Variants in LRRC26 observed in about 807,000 individuals in gnomAD.
LRRC26 encodes leucine-rich repeat-containing protein 26.
In LRRC26, 17 loss-of-function variants were observed where a neutral mutation model predicts 15.3. The observed-to-expected ratio is 1.11, with a 90% CI of 0.76 to 1.66. The LOEUF (loss-of-function observed/expected upper bound fraction) is 1.66. LRRC26 is among the 40% of genes most tolerant of loss of function. The pLI, the probability that LRRC26 is intolerant of heterozygous loss-of-function variation, is 0.00. For missense variants in LRRC26, 573 were observed against 501.0 expected, an observed-to-expected ratio of 1.14 and a Z score of -1.37; for synonymous variants, 301 against 272.1, an observed-to-expected ratio of 1.11 and a Z score of -1.05.
rs1216185243 is a variant in LRRC26 at position 137,168,968 on chromosome 9, G to C, written c.891C>G (p.Leu297=). The change falls in exon 2 of 2, where the codon CTC becomes CTG. Residue 297 remains leucine, a synonymous_variant. Coordinates refer to ENST00000371542, the MANE Select transcript of LRRC26 (RefSeq NM_001013653.3). ...LTACRARRRR[L]RTAALRPPRP... is the part of the protein sequence containing the mutation. ...TCGGCGGGCGGAGGGCGGCGGTGCG[G>C]AGGCGGCGGCGGCGCGCACGGCAGG... The C allele has an allele frequency of 7.0e-7, 1 of 1,424,196 alleles. No individual in the cohort carries two copies. Among genetic ancestry groups the C allele is most frequent in the Non-Finnish European group, 9.1e-7 (1 of 1,095,234 alleles). 88.2% of individuals were successfully genotyped at this position (1,424,196 alleles called of 1,614,324 possible).
In LRRC26 at chr9:137,168,978, C is replaced by T. The variant is rs1402572327; in HGVS notation, c.881G>A (p.Arg294His). Residue 294 changes from arginine (R) to histidine (H), a missense_variant, in exon 2 of 2, where the codon CGC becomes CAC. Coordinates refer to ENST00000371542, the MANE Select transcript of LRRC26 (RefSeq NM_001013653.3). ...GAGGGCGGCGGTGCGGAGGCGGCGGCGGCGCGCACGGCAGGCGGTGAGCCC... is the reference window on the plus strand; with the variant it reads ...GAGGGCGGCGGTGCGGAGGCGGCGGTGGCGCGCACGGCAGGCGGTGAGCCC... ...GSGLTACRAR[R>H]RRLRTAALRP... The T allele has an allele frequency of 7.0e-6, 10 of 1,434,176 alleles. No homozygotes were observed. Among genetic ancestry groups the T allele is most frequent in the South Asian group, 1.4e-5 (1 of 70,666 alleles). The allele number at this position is 1,434,176 out of a possible 1,614,324, so 88.8% of individuals were successfully genotyped here. A position where few individuals can be genotyped will look rare whatever the true frequency, so the allele number is the denominator to read the frequency against.
Position 137,169,799 on chromosome 9 carries a change from A to G in LRRC26, c.145T>C (p.Cys49Arg). The G allele has an allele frequency of 2.8e-6, 4 of 1,405,238 alleles. No individual in the cohort carries two copies. Among genetic ancestry groups the G allele is most frequent in the Non-Finnish European group, 2.7e-6 (3 of 1,092,438 alleles). 87.0% of individuals were successfully genotyped at this position (1,405,238 alleles called of 1,614,324 possible). A position where few individuals can be genotyped will look rare whatever the true frequency, so the allele number is the denominator to read the frequency against. ...GAPDCPEVCT[C>R]VPGGLASCSA... ...CAGCTGGCCAGGCCTCCCGGCACGC[A>G]CGTGCACACCTCGGGGCAGTCCGGG... Residue 49 changes from cysteine (C) to arginine (R), a missense_variant, in exon 1 of 2, where the codon TGC (cysteine) becomes CGC (arginine). Cys to Arg is a radical substitution (Grantham distance 180, BLOSUM62 -3). Transcript: ENST00000371542.
intron 1 of LRRC26, 27 bp from the exon 2 acceptor site, chr9:137,169,212 G>C: frequency 7.1e-7 from 1 of 1,404,580 alleles, no homozygotes; most frequent in African/African-American, 1.5e-5. Context: ...AAGGCGCGGC[G>C]TCAGGTGGCG....
chr9:137,169,018 G>A lies in LRRC26; in HGVS notation c.841C>T (p.Leu281=). 6.6e-7 allele frequency: 1 copy of A among 1,511,584 alleles called. No individual in the cohort carries two copies. The highest frequency in any genetic ancestry group is 8.8e-7 in the Non-Finnish European group (1 of 1,136,462). The allele number at this position is 1,511,584 out of a possible 1,614,324, so 93.6% of individuals were successfully genotyped here. A position where few individuals can be genotyped will look rare whatever the true frequency, so the allele number is the denominator to read the frequency against. ...ASFLVSLASC[L]ALGSGLTACR... is the part of the protein sequence containing the mutation. Reference sequence around the variant, plus strand: ...GCGGTGAGCCCAGAGCCCAGCGCCAGGCAGGAAGCCAGGCTGACGAGGAAG... The same window carrying A: ...GCGGTGAGCCCAGAGCCCAGCGCCAAGCAGGAAGCCAGGCTGACGAGGAAG... Residue 281 remains leucine (L), a synonymous_variant, in exon 2 of 2, where the codon CTG becomes TTG. Coordinates refer to ENST00000371542, the MANE Select transcript of LRRC26 (RefSeq NM_001013653.3).
chr9:137,169,923 C>A lies in LRRC26; in HGVS notation c.21G>T (p.Ser7=). Residue 7 remains serine, a synonymous_variant, in exon 1 of 2, where the codon TCG becomes TCT. Transcript: ENST00000371542. The part of the protein sequence containing the change: MRGPSW[S]RPRPLLLLLL... Reference sequence around the variant, plus strand: ...ACAGCAGCAGCAGCGGCCGAGGCCGCGACCAGGAAGGGCCCCGCATGGGGG... The same window carrying A: ...ACAGCAGCAGCAGCGGCCGAGGCCGAGACCAGGAAGGGCCCCGCATGGGGG... 6.8e-7 allele frequency: 1 copy of A among 1,465,900 alleles called. No individual in the cohort carries two copies. The highest frequency in any genetic ancestry group is 8.9e-7 in the Non-Finnish European group (1 of 1,118,470). The allele number at this position is 1,465,900 out of a possible 1,614,324, so 90.8% of individuals were successfully genotyped here. A position where few individuals can be genotyped will look rare whatever the true frequency, so the allele number is the denominator to read the frequency against.
Position 137,169,093 on chromosome 9 carries a change from G to C in LRRC26, c.766C>G (p.Pro256Ala). 6.4e-7 allele frequency: 1 copy of C among 1,562,770 alleles called. No individual in the cohort carries two copies. The highest frequency in any genetic ancestry group is 8.6e-7 in the Non-Finnish European group (1 of 1,161,058). The change falls in exon 2 of 2, where the codon CCG becomes GCG. Residue 256 changes from proline (P) to alanine (A), a missense_variant. Pro to Ala is a conservative substitution (Grantham distance 27). Transcript: ENST00000371542. Reference protein sequence around the residue: ...SDAAFSHCAQPLALRDLAVVY... With the variant: ...SDAAFSHCAQALALRDLAVVY... Reference sequence around the variant, plus strand: ...ACGGCCAGGTCCCGCAGGGCGAGCGGCTGCGCGCAATGGCTAAAGGCGGCG... The same window carrying C: ...ACGGCCAGGTCCCGCAGGGCGAGCGCCTGCGCGCAATGGCTAAAGGCGGCG...
In LRRC26 at chr9:137,169,965, G is replaced by A. The variant is rs1389238819; in HGVS notation, c.-22C>T. 7 of 1,396,088 alleles carry A rather than the reference G, an allele frequency of 5.0e-6. No homozygotes were observed. Among genetic ancestry groups the A allele is most frequent in the Non-Finnish European group, 6.4e-6 (7 of 1,087,284 alleles). The allele number at this position is 1,396,088 out of a possible 1,614,324, so 86.5% of individuals were successfully genotyped here. ...GCATGGGGGCAGCCCCCCCGCCCCCGGCACCCGCGGTGGGAGGCCCGCTGC... is the reference window on the plus strand; with the variant it reads ...GCATGGGGGCAGCCCCCCCGCCCCCAGCACCCGCGGTGGGAGGCCCGCTGC... On this transcript the variant is annotated 5_prime_UTR_variant, in exon 1 of 2. Transcript: ENST00000371542.
chr9:137,169,440 C>A lies in LRRC26; in HGVS notation c.504G>T (p.Leu168=). 2.6e-6 allele frequency: 4 copies of A among 1,516,782 alleles called. No individual in the cohort carries two copies. The highest frequency in any genetic ancestry group is 3.5e-6 in the Non-Finnish European group (4 of 1,141,554). The allele number at this position is 1,516,782 out of a possible 1,614,324, so 94.0% of individuals were successfully genotyped here. The change falls in exon 1 of 2, where the codon CTG becomes CTT. Residue 168 remains leucine (L), a synonymous_variant. Coordinates refer to ENST00000371542, the MANE Select transcript of LRRC26 (RefSeq NM_001013653.3). ...LEPAALGALP[L]LRSLSLQDNE... ...TGTCCTGCAGGCTGAGTGAGCGCAGCAGCGGGAGCGCGCCTAGCGCCGCGG... is the reference window on the plus strand; with the variant it reads ...TGTCCTGCAGGCTGAGTGAGCGCAGAAGCGGGAGCGCGCCTAGCGCCGCGG...
At position 137,169,894 on chromosome 9, in the gene LRRC26, AGC is replaced by A; in HGVS notation, c.48_49del (p.Leu16PhefsTer235). The A allele has an allele frequency of 6.8e-7, 1 of 1,480,392 alleles. No individual in the cohort carries two copies. The highest frequency in any genetic ancestry group is 2.4e-5 in the Admixed American group (1 of 42,074). The allele number at this position is 1,480,392 out of a possible 1,614,324, so 91.7% of individuals were successfully genotyped here. ...CCAGACAGGCCAAGGCGACAGCAGC[AGC>A]AACAGCAGCAGCAGCGGCCGAGGCC... On this transcript the variant is annotated frameshift_variant, in exon 1 of 2. Transcript: ENST00000371542. LOFTEE classifies it high-confidence loss of function.
At position 137,169,864 on chromosome 9, in the gene LRRC26, T is replaced by G; in HGVS notation, c.80A>C (p.Gln27Pro). The G allele has an allele frequency of 6.8e-7, 1 of 1,477,378 alleles. No individual in the cohort carries two copies. The highest frequency in any genetic ancestry group is 8.9e-7 in the Non-Finnish European group (1 of 1,123,938). The allele number at this position is 1,477,378 out of a possible 1,614,324, so 91.5% of individuals were successfully genotyped here. Reference sequence around the variant, plus strand: ...CGAGGGCGAGGCCGTGGCCGACACCTGGGCCCAGACAGGCCAAGGCGACAG... The same window carrying G: ...CGAGGGCGAGGCCGTGGCCGACACCGGGGCCCAGACAGGCCAAGGCGACAG... ...LLLSPWPVWA[Q>P]VSATASPSGS... Residue 27 changes from glutamine (Q) to proline (P), a missense_variant, in exon 1 of 2, where the codon CAG becomes CCG. Gln to Pro is a moderately conservative substitution (Grantham distance 76). Transcript: ENST00000371542.
At position 137,169,425 on chromosome 9, in the gene LRRC26, G is replaced by A. The variant is rs1213052986; in HGVS notation, c.519C>T (p.Ser173=). Residue 173 remains serine (S), a synonymous_variant, in exon 1 of 2, where the codon AGC becomes AGT. Coordinates refer to ENST00000371542, the MANE Select transcript of LRRC26 (RefSeq NM_001013653.3). ...LGALPLLRSL[S]LQDNELAALA... ...GTGCCGCCAGCTCGTTGTCCTGCAG[G>A]CTGAGTGAGCGCAGCAGCGGGAGCG... The A allele has an allele frequency of 2.0e-6, 3 of 1,517,442 alleles. No homozygotes were observed. Among genetic ancestry groups the A allele is most frequent in the Admixed American group, 2.0e-5 (1 of 49,980 alleles). 94.0% of individuals were successfully genotyped at this position (1,517,442 alleles called of 1,614,324 possible).
rs527785852 is a variant in LRRC26 at position 137,169,151 on chromosome 9, G to A, written c.708C>T (p.Arg236=). The A allele has an allele frequency of 1.3e-6, 2 of 1,537,404 alleles. No individual in the cohort carries two copies. The highest frequency in any genetic ancestry group is 1.7e-6 in the Non-Finnish European group (2 of 1,148,940). The change falls in exon 2 of 2, where the codon CGC becomes CGT. Residue 236 remains arginine (R), a synonymous_variant. Coordinates refer to ENST00000371542, the MANE Select transcript of LRRC26 (RefSeq NM_001013653.3). The part of the protein sequence containing the change: ...AETVLCVWPG[R]LTLSPLTAFS... The stretch of plus-strand genomic sequence containing the variant: ...AGGCAGTCAGGGGGCTGAGCGTCAG[G>A]CGTCCCGGCCACACGCAGAGCACCG...
At position 137,169,353 on chromosome 9, in the gene LRRC26, G is replaced by A; in HGVS notation, c.591C>T (p.His197=). Residue 197 remains histidine, a synonymous_variant, in exon 1 of 2, where the codon CAC becomes CAT. Transcript: ENST00000371542. Reference sequence around the variant, plus strand: ...CGCAGCCCCAAGGGTTGCCGCGCAGGTGCAGCGCGTCTAGAGCGGGCAGGC... The same window carrying A: ...CGCAGCCCCAAGGGTTGCCGCGCAGATGCAGCGCGTCTAGAGCGGGCAGGC... ...LGRLPALDAL[H]LRGNPWGCGC... is the part of the protein sequence containing the mutation. 6.8e-7 allele frequency: 1 copy of A among 1,470,040 alleles called. No individual in the cohort carries two copies. The highest frequency in any genetic ancestry group is 8.9e-7 in the Non-Finnish European group (1 of 1,119,802). The allele number at this position is 1,470,040 out of a possible 1,614,324, so 91.1% of individuals were successfully genotyped here.
chr9:137,169,200 CAA>C lies in LRRC26; in HGVS notation c.674-17_674-16del. On this transcript the variant is annotated splice_polypyrimidine_tract_variant and intron_variant, in intron 1 of 1. Coordinates refer to ENST00000371542, the MANE Select transcript of LRRC26 (RefSeq NM_001013653.3). ...CGTCTCGGCCTCTGTGGGACACAGA[CAA>C]AGGCGCGGCGTCAGGTGGCGGCTGC... 7.0e-7 allele frequency: 1 copy of C among 1,426,644 alleles called. No individual in the cohort carries two copies. Among genetic ancestry groups the C allele is most frequent in the African/African-American group, 1.5e-5 (1 of 67,806 alleles). 88.4% of individuals were successfully genotyped at this position (1,426,644 alleles called of 1,614,324 possible).
rs1487264693 is a variant in LRRC26, at chr9:137,168,964, T to TGCGGAGGCGGCGGCGGC, written c.878_894dup (p.Thr299AlafsTer?). ...GGTCTCGGCGGGCGGAGGGCGGCGGTGCGGAGGCGGCGGCGGCGCGCACGG... is the reference window on the plus strand; with the variant it reads ...GGTCTCGGCGGGCGGAGGGCGGCGGTGCGGAGGCGGCGGCGGCGCGGAGGCGGCGGCGGCGCGCACGG... On this transcript the variant is annotated frameshift_variant, in exon 2 of 2. Transcript: ENST00000371542. LOFTEE classifies it low-confidence loss of function (END_TRUNC). 10 of 1,412,668 alleles carry TGCGGAGGCGGCGGCGGC rather than the reference T, an allele frequency of 7.1e-6. No homozygotes were observed. In the African/African-American group the frequency reaches 7.6e-5, roughly 11 times the overall value. 87.5% of individuals were successfully genotyped at this position (1,412,668 alleles called of 1,614,324 possible).
chr9:137,169,594 C>T lies in LRRC26; in HGVS notation c.350G>A (p.Gly117Asp), dbSNP rs891826737. The part of the protein sequence containing the change: ...LHSVHVRAFW[G>D]LGALQLLDLS... ...GTCCAGCAGCTGCAGCGCGCCCAGG[C>T]CCCAGAAGGCTCGCACATGCACCGA... Residue 117 changes from glycine to aspartate, a missense_variant, in exon 1 of 2, where the codon GGC becomes GAC. Transcript: ENST00000371542. The T allele has an allele frequency of 4.6e-6, 7 of 1,523,004 alleles. No individual in the cohort carries two copies. Among genetic ancestry groups the T allele is most frequent in the Admixed American group, 2.0e-5 (1 of 50,024 alleles). The allele number at this position is 1,523,004 out of a possible 1,614,324, so 94.3% of individuals were successfully genotyped here.
rs1318822829 is a variant in LRRC26 at position 137,168,927 on chromosome 9, T to G, written c.932A>C (p.Asn311Thr). The G allele has an allele frequency of 7.3e-7, 1 of 1,362,652 alleles. No homozygotes were observed. The highest frequency in any genetic ancestry group is 9.4e-7 in the Non-Finnish European group (1 of 1,065,182). 84.4% of individuals were successfully genotyped at this position (1,362,652 alleles called of 1,614,324 possible). A position where few individuals can be genotyped will look rare whatever the true frequency, so the allele number is the denominator to read the frequency against. Residue 311 changes from asparagine to threonine, a missense_variant, in exon 2 of 2, where the codon AAC (asparagine) becomes ACC (threonine). Coordinates refer to ENST00000371542, the MANE Select transcript of LRRC26 (RefSeq NM_001013653.3). ...ACAGCCGTGGGGGTCGGGATCGGGG[T>G]TCGGGTCTGGCGGTCTCGGCGGGCG... ...ALRPPRPPDP[N>T]PDPDPHGCAS... is the part of the protein sequence containing the mutation.
chr9:137,169,534 C>T lies in LRRC26; in HGVS notation c.410G>A (p.Gly137Glu). 6.6e-7 allele frequency: 1 copy of T among 1,524,540 alleles called. No homozygotes were observed. The highest frequency in any genetic ancestry group is 8.8e-7 in the Non-Finnish European group (1 of 1,142,468). The allele number at this position is 1,524,540 out of a possible 1,614,324, so 94.4% of individuals were successfully genotyped here. The change falls in exon 1 of 2, where the codon GGG becomes GAG. Residue 137 changes from glycine (G) to glutamate (E), a missense_variant. Coordinates refer to ENST00000371542, the MANE Select transcript of LRRC26 (RefSeq NM_001013653.3). ...SANQLEALAP[G>E]TFAPLRALRN... is the part of the protein sequence containing the mutation. Reference sequence around the variant, plus strand: ...CAGCGCGCGCAGCGGCGCGAAAGTCCCTGGTGCCAGTGCTTCCAGCTGGTT... The same window carrying T: ...CAGCGCGCGCAGCGGCGCGAAAGTCTCTGGTGCCAGTGCTTCCAGCTGGTT...
chr9:137,169,695 G>A lies in LRRC26; in HGVS notation c.249C>T (p.Val83=), dbSNP rs1834048151. 3 of 1,495,258 alleles carry A rather than the reference G, an allele frequency of 2.0e-6. No homozygotes were observed. Among genetic ancestry groups the A allele is most frequent in the Non-Finnish European group, 2.7e-6 (3 of 1,129,630 alleles). The allele number at this position is 1,495,258 out of a possible 1,614,324, so 92.6% of individuals were successfully genotyped here. A position where few individuals can be genotyped will look rare whatever the true frequency, so the allele number is the denominator to read the frequency against. Residue 83 remains valine, a synonymous_variant, in exon 1 of 2, where the codon GTC becomes GTT. Coordinates refer to ENST00000371542, the MANE Select transcript of LRRC26 (RefSeq NM_001013653.3). ...LRALLLDHNR[V]RALPPGAFAG... is the part of the protein sequence containing the mutation. ...CGAAGGCACCTGGCGGCAGCGCACGGACGCGGTTGTGGTCCAGCAGCAGCG... is the reference window on the plus strand; with the variant it reads ...CGAAGGCACCTGGCGGCAGCGCACGAACGCGGTTGTGGTCCAGCAGCAGCG...
Sources: gnomAD v4.1 joint callset for allele counts on GRCh38, gnomAD v4.1.1 for gene constraint, MANE v1.5 for transcripts, NCBI Gene and HGNC (gene_info 2026-07-23, HGNC 2026-07-21) for gene names.